SLC25A42: variants seen among roughly 807,000 people sequenced by gnomAD.
SLC25A42 encodes the protein mitochondrial coenzyme A transporter SLC25A42.
In SLC25A42, 19 loss-of-function variants were observed where a neutral mutation model predicts 34.7. The ratio of observed to expected loss-of-function variants is 0.55; its 90% CI spans 0.38 to 0.80. SLC25A42 has a LOEUF of 0.80. Ranked by LOEUF, SLC25A42 falls within the 30% of genes least tolerant of loss-of-function variation. The pLI, the probability that SLC25A42 is intolerant of heterozygous loss-of-function variation, is 0.00. For missense variants in SLC25A42, 364 were observed against 441.3 expected (o/e 0.82, Z 1.57); for synonymous variants, 205 against 191.2 (o/e 1.07, Z -0.59).
intron 2 of SLC25A42, among the ~76,000 whole-genome samples, chr19:19,096,932 G>A (rs956181616): frequency 6.6e-6 from 1 of 151,986 alleles, no homozygotes; most frequent in Non-Finnish European, 1.5e-5. Flanking sequence ...GTGAAACCCT[G>A]TCTCAAAAAC....
intron 1 of SLC25A42, among the ~76,000 whole-genome samples, chr19:19,082,534 T>A (rs548767529): frequency 2.6e-5 from 4 of 152,196 alleles, no homozygotes; most frequent in Non-Finnish European, 5.9e-5. Flanking sequence ...GACTAATTTT[T>A]GTATTTTTTG....
chr19:19,075,890 T>A (rs1177851655), intron 1 of SLC25A42, among the ~76,000 whole-genome samples: 1 of 152,158 alleles, frequency 6.6e-6, no homozygotes, highest in Non-Finnish European at 1.5e-5. Flanking sequence ...GAAAGAGGAC[T>A]TCTCCGGCCC....
rs543057852 is a variant in SLC25A42, at chr19:19,069,706, G to A, written c.-35+5591G>A. 2.0e-5 allele frequency among the ~76,000 whole-genome samples: 3 copies of A among 152,242 alleles called. No homozygotes were observed. In the South Asian group the frequency reaches 6.2e-4, roughly 32 times the overall value. On this transcript the variant is annotated intron_variant, in intron 1 of 7. Coordinates refer to ENST00000318596, the MANE Select transcript of SLC25A42 (RefSeq NM_178526.5). ...GTCTCACTATGTTGTTCACGCTGGA[G>A]TGCAGTGATATGATCATAGTTCACT...
chr19:19,075,698 A>T (rs2059652352), intron 1 of SLC25A42, among the ~76,000 whole-genome samples: 1 of 152,202 alleles, frequency 6.6e-6, no homozygotes, highest in Non-Finnish European at 1.5e-5. Flanking sequence ...ATGCTGACTG[A>T]ACTGGAAAGG....
intron 3 of SLC25A42, among the ~76,000 whole-genome samples, chr19:19,103,572 A>G (rs887555869): frequency 6.6e-6 from 1 of 152,206 alleles, no homozygotes; most frequent in Non-Finnish European, 1.5e-5. Context: ...TAAACCCTCA[A>G]CAGAAACCCT....
At chr19:19,072,352 A>G (rs2059635351) in intron 1 of SLC25A42, among the ~76,000 whole-genome samples, 1 of 152,188 alleles carries the variant, frequency 6.6e-6, no homozygotes, top group African/African-American at 2.4e-5. Flanking sequence ...GAGGAAATCA[A>G]GGAATGGGGA....
intron 1 of SLC25A42, among the ~76,000 whole-genome samples, chr19:19,094,872 C>G (rs900063139): frequency 2.0e-5 from 3 of 151,986 alleles, no homozygotes; most frequent in African/African-American, 7.3e-5. Context: ...GAGTCACTGT[C>G]TCTACAAAAT....
chr19:19,078,279 A>G (rs2059664688), intron 1 of SLC25A42, among the ~76,000 whole-genome samples: 1 of 152,174 alleles, frequency 6.6e-6, no homozygotes, highest in Admixed American at 6.5e-5. Flanking sequence ...TCTCCCTACA[A>G]GCACAGCCTG....
intron 1 of SLC25A42, among the ~76,000 whole-genome samples, chr19:19,089,882 A>AAAAACAAAAACC (rs1472965232): frequency 2.0e-5 from 3 of 152,156 alleles, no homozygotes; most frequent in Non-Finnish European, 4.4e-5. Flanking sequence ...AAACAAAAAC[A>AAAAACAAAAACC]AAAAACACCT....
chr19:19,064,450 C>T (rs1436978477), intron 1 of SLC25A42, among the ~76,000 whole-genome samples: 2 of 134,248 alleles, frequency 1.5e-5, no homozygotes, highest in Non-Finnish European at 3.2e-5. Context: ...CTCACGAACA[C>T]CCGCCCCCAC....
intron 1 of SLC25A42, 93 bp downstream of exon 1, chr19:19,064,208 C>T (rs2059589029): frequency 6.6e-6 from 1 of 150,724 alleles, no homozygotes; most frequent in Admixed American, 6.6e-5. Flanking sequence ...AGGTTAAAGA[C>T]CCCCCCCAAC....
At chr19:19,105,124 C>A in intron 4 of SLC25A42, 186 bp downstream of exon 4, 2 of 696,686 alleles carry the variant, frequency 2.9e-6, no homozygotes, top group Non-Finnish European at 2.4e-6. Flanking sequence ...AGTGTCCTTC[C>A]GGCAGTGGGG....
Position 19,110,940 on chromosome 19 carries a change from C to T in SLC25A42, c.*64C>T, listed in dbSNP as rs1176564546. The T allele has an allele frequency of 5.1e-6, 8 of 1,569,648 alleles. No individual in the cohort carries two copies. Among genetic ancestry groups the T allele is most frequent in the South Asian group, 1.1e-5 (1 of 88,358 alleles). ...CCCTTTGTATTCTGGGCCCATGGAA[C>T]GGTGGGGGGGTGCGCTTGATTCTAC... is the stretch of plus-strand genomic sequence containing the variant. On this transcript the variant is annotated 3_prime_UTR_variant, in exon 8 of 8. Coordinates refer to ENST00000318596, the MANE Select transcript of SLC25A42 (RefSeq NM_178526.5).
At chr19:19,108,815 G>A (rs2059848334) in intron 7 of SLC25A42, among the ~76,000 whole-genome samples, 1 of 151,944 alleles carries the variant, frequency 6.6e-6, no homozygotes, top group Admixed American at 6.6e-5. Flanking sequence ...GTAGAGATGG[G>A]GTCTCCCTCT....
chr19:19,110,552 C>T lies in SLC25A42; in HGVS notation c.650-17C>T, dbSNP rs2146317273. 5 of 1,382,332 alleles carry T rather than the reference C, an allele frequency of 3.6e-6. No individual in the cohort carries two copies. Among genetic ancestry groups the T allele is most frequent in the Non-Finnish European group, 4.6e-6 (5 of 1,075,774 alleles). The allele number at this position is 1,382,332 out of a possible 1,614,324, so 85.6% of individuals were successfully genotyped here. Reference sequence around the variant, plus strand: ...CCTCGCGGCGCCTTCACGGCCCTCCCGCCCCTCGCCCTGCAGAGTACAGCG... The same window carrying T: ...CCTCGCGGCGCCTTCACGGCCCTCCTGCCCCTCGCCCTGCAGAGTACAGCG... On this transcript the variant is annotated splice_polypyrimidine_tract_variant and intron_variant, in intron 7 of 7. Coordinates refer to ENST00000318596, the MANE Select transcript of SLC25A42 (RefSeq NM_178526.5).
At chr19:19,064,921 C>T (rs961565128) in intron 1 of SLC25A42, among the ~76,000 whole-genome samples, 27 of 152,108 alleles carry the variant, frequency 1.8e-4, no homozygotes, top group African/African-American at 6.5e-4. Context: ...AAGTGATTTC[C>T]GGACCTTAGA....
Position 19,101,806 on chromosome 19 carries a change from C to T in SLC25A42, c.107C>T (p.Ser36Phe), listed in dbSNP as rs1022873578. 13 of 1,613,778 alleles carry T rather than the reference C, an allele frequency of 8.1e-6. No individual in the cohort carries two copies. The East Asian group carries it at 2.7e-4, about 33-fold the overall frequency. ...CGTGACCACAGGCAAGTGCTCAGCT[C>T]CCTGCTGTCTGGGGCCCTGGCTGGT... is the stretch of plus-strand genomic sequence containing the variant. ...SKRDHRQVLS[S>F]LLSGALAGAL... The change falls in exon 3 of 8, where the codon TCC becomes TTC. Residue 36 changes from serine (S) to phenylalanine (F), a missense_variant. Coordinates refer to ENST00000318596, the MANE Select transcript of SLC25A42 (RefSeq NM_178526.5).
intron 2 of SLC25A42, 56 bp downstream of exon 2, chr19:19,096,261 C>A (rs1042916536): frequency 4.9e-6 from 7 of 1,429,192 alleles, no homozygotes; most frequent in African/African-American, 4.3e-5. Context: ...GCCTCCCCAC[C>A]CCCCCTCCCA....
intron 3 of SLC25A42, among the ~76,000 whole-genome samples, chr19:19,102,101 C>A (rs577807673): frequency 6.6e-6 from 1 of 151,964 alleles, no homozygotes; most frequent in Non-Finnish European, 1.5e-5. Context: ...CTCTGCCTCC[C>A]GGGTTCACGC....
Sources: gnomAD v4.1 joint callset for allele counts (sites outside exome capture counted in the v4.1 genomes callset) on GRCh38, gnomAD v4.1.1 for gene constraint, MANE v1.5 for transcripts, NCBI Gene and HGNC (gene_info 2026-07-23, HGNC 2026-07-21) for gene names.